Variants in HDAC9 observed in about 807,000 individuals in gnomAD.
The protein encoded by HDAC9 is histone deacetylase 9.
A neutral mutation model predicts 139.4 loss-of-function variants in HDAC9; 41 were observed. The ratio of observed to expected loss-of-function variants is 0.29; its 90% confidence interval spans 0.23 to 0.38. The LOEUF is 0.38. HDAC9 is among the 10% of genes least tolerant of loss of function. The pLI, the probability that HDAC9 is intolerant of heterozygous loss-of-function variation, is 1.00. For missense variants in HDAC9, 1,147 were observed against 1,297.0 expected, an observed-to-expected ratio of 0.88 and a Z score of 1.78; for synonymous variants, 517 against 476.2, an observed-to-expected ratio of 1.09 and a Z score of -1.12.
At chr7:18,215,919 T>C (rs1290887534) in intron 2 of HDAC9, among the ~76,000 whole-genome samples, 1 of 152,194 alleles carries the variant, frequency 6.6e-6, no homozygotes, top group Non-Finnish European at 1.5e-5. Context: ...AAAGAAGTCA[T>C]TCATCTGGTA....
At chr7:18,529,804 A>T (rs1323487705) in intron 2 of HDAC9, among the ~76,000 whole-genome samples, 1 of 152,052 alleles carries the variant, frequency 6.6e-6, no homozygotes, top group African/African-American at 2.4e-5. Context: ...TTAAATCTTT[A>T]TTGGTTTTCA....
chr7:18,308,223 A>G (rs1203687074), intron 1 of HDAC9, among the ~76,000 whole-genome samples: 4 of 152,224 alleles, frequency 2.6e-5, no homozygotes, highest in Non-Finnish European at 5.9e-5. Flanking sequence ...AGCAATCTAT[A>G]TGAACTAGGT....
chr7:18,376,007 T>A lies in HDAC9; in HGVS notation c.-42+85492T>A, dbSNP rs1406324718. On this transcript the variant is annotated intron_variant, in intron 1 of 3. Coordinates refer to the HDAC9 transcript ENST00000413509. ...CAGAATAGGCAAGATCATTAAAACA[T>A]GATTATTGACCTTGAGTGTTATCGT... Among the ~76,000 whole-genome samples, 5 of 152,352 alleles carry A rather than the reference T, an allele frequency of 3.3e-5. No individual in the cohort carries two copies. The South Asian group carries it at 8.3e-4, about 25-fold the overall frequency.
At position 18,954,182 on chromosome 7, in the gene HDAC9, C is replaced by T; in HGVS notation, c.2974C>T (p.Pro992Ser). The T allele has an allele frequency of 6.4e-7, 1 of 1,573,322 alleles. No homozygotes were observed. The highest frequency in any genetic ancestry group is 8.7e-7 in the Non-Finnish European group (1 of 1,153,446). ...TGCAGAAGATATTCTCCACCAAAGC[C>T]CGAATATGAATGCTGTTATTTCTTT... ...PLAEDILHQS[P>S]NMNAVISLQK... is the part of the protein sequence containing the mutation. The change falls in exon 24 of 26, where the codon CCG becomes TCG. Residue 992 changes from proline (P) to serine (S), a missense_variant. Coordinates refer to ENST00000686413, the MANE Select transcript of HDAC9 (RefSeq NM_178425.4).
At chr7:18,135,698 A>C (rs1226041540) in intron 1 of HDAC9, among the ~76,000 whole-genome samples, 3 of 144,124 alleles carry the variant, frequency 2.1e-5, no homozygotes, top group African/African-American at 5.3e-5. Flanking sequence ...AATCCAGTCT[A>C]TCATTGTTGG....
Position 18,442,495 on chromosome 7 carries a change from A to G in HDAC9, c.-41-53767A>G, listed in dbSNP as rs928586333. On this transcript the variant is annotated intron_variant, in intron 1 of 3. Transcript: ENST00000413509. Reference sequence around the variant, plus strand: ...ACATCTCCCTCTCCACCTTTCCCCAATCTTTGCTTAATGTATTCATATGCT... The same window carrying G: ...ACATCTCCCTCTCCACCTTTCCCCAGTCTTTGCTTAATGTATTCATATGCT... 3.9e-5 allele frequency among the ~76,000 whole-genome samples: 6 copies of G among 151,984 alleles called. No homozygotes were observed. The South Asian group carries it at 6.2e-4, about 16-fold the overall frequency.
chr7:18,332,508 T>G (rs962104317), intron 1 of HDAC9, among the ~76,000 whole-genome samples: 1 of 151,352 alleles, frequency 6.6e-6, no homozygotes, highest in African/African-American at 2.4e-5. Flanking sequence ...ATACTTAAAA[T>G]TGAGTATATT....
chr7:18,670,863 C>A (rs1278864521), intron 12 of HDAC9, among the ~76,000 whole-genome samples: 1 of 147,762 alleles, frequency 6.8e-6, no homozygotes, highest in Non-Finnish European at 1.5e-5. Flanking sequence ...GTGATTAGTA[C>A]TCTTTTTTTT....
intron 2 of HDAC9, among the ~76,000 whole-genome samples, chr7:18,564,115 G>T (rs1036685870): frequency 6.6e-6 from 1 of 152,092 alleles, no homozygotes; most frequent in Non-Finnish European, 1.5e-5. Context: ...GATTACAGGT[G>T]TGAGCCACCG....
At chr7:18,229,112 A>C (rs1289193050) in intron 2 of HDAC9, among the ~76,000 whole-genome samples, 1 of 152,248 alleles carries the variant, frequency 6.6e-6, no homozygotes. Flanking sequence ...AACTTCATTA[A>C]TTCACAATAA....
chr7:18,607,904 A>G (rs929846941), intron 6 of HDAC9, among the ~76,000 whole-genome samples: 1 of 152,192 alleles, frequency 6.6e-6, no homozygotes, highest in Non-Finnish European at 1.5e-5. Flanking sequence ...AAGTGCAGAA[A>G]AGTCTAATGA....
chr7:18,712,199 C>T lies in HDAC9; in HGVS notation c.1732-15381C>T, dbSNP rs531085202. 9.9e-5 allele frequency among the ~76,000 whole-genome samples: 15 copies of T among 152,152 alleles called. No individual in the cohort carries two copies. In the South Asian group the frequency reaches 1.7e-3, roughly 17 times the overall value. ...TTTTTCATTCTTTAATATACATCAGCGACTTCTCATTGTTTTCTGATTAAG... is the reference window on the plus strand; with the variant it reads ...TTTTTCATTCTTTAATATACATCAGTGACTTCTCATTGTTTTCTGATTAAG... On this transcript the variant is annotated intron_variant, in intron 12 of 25. Transcript: ENST00000686413.
intron 1 of HDAC9, among the ~76,000 whole-genome samples, chr7:18,306,271 G>A (rs1454609521): frequency 6.6e-6 from 1 of 152,172 alleles, no homozygotes; most frequent in Non-Finnish European, 1.5e-5. Context: ...CAGACTATGG[G>A]TGGGGATGTT....
At chr7:18,209,951 T>C (rs1562751633) in intron 2 of HDAC9, among the ~76,000 whole-genome samples, 1 of 152,014 alleles carries the variant, frequency 6.6e-6, no homozygotes, top group Non-Finnish European at 1.5e-5. Flanking sequence ...CCGCCCTCCT[T>C]GGCTTCCCAA....
chr7:18,900,956 T>G (rs1801647717), intron 22 of HDAC9, among the ~76,000 whole-genome samples: 1 of 152,036 alleles, frequency 6.6e-6, no homozygotes, highest in Admixed American at 6.6e-5. Context: ...CCCCGCCCCT[T>G]ACTCCATTTG....
At chr7:18,640,121 G>A (rs1584472256) in intron 8 of HDAC9, among the ~76,000 whole-genome samples, 1 of 151,884 alleles carries the variant, frequency 6.6e-6, no homozygotes, top group Admixed American at 6.6e-5. Context: ...TTACTGGCCA[G>A]GCATGGGGGC....
intron 2 of HDAC9, among the ~76,000 whole-genome samples, chr7:18,215,632 C>G (rs1279511081): frequency 6.6e-6 from 1 of 152,220 alleles, no homozygotes; most frequent in East Asian, 1.9e-4. Flanking sequence ...GCATTTGGCA[C>G]CAAAAGGGGG....
intron 1 of HDAC9, among the ~76,000 whole-genome samples, chr7:18,383,224 A>G (rs149925938): frequency 5.3e-5 from 8 of 152,340 alleles, no homozygotes; most frequent in Non-Finnish European, 1.2e-4. Context: ...ATAGAAATGA[A>G]CTAGAAAACC....
chr7:18,509,936 G>T (rs1329827313), intron 2 of HDAC9, among the ~76,000 whole-genome samples: 2 of 152,016 alleles, frequency 1.3e-5, no homozygotes, highest in African/African-American at 4.8e-5. Flanking sequence ...ACAGTACCTA[G>T]CATATAATTG....
Sources: allele counts gnomAD v4.1 joint callset (sites outside exome capture counted in the v4.1 genomes callset), GRCh38; gene constraint gnomAD v4.1.1; transcripts MANE v1.5; gene names NCBI Gene and HGNC (gene_info 2026-07-23, HGNC 2026-07-21).